Variants in USP54 observed in about 807,000 individuals in gnomAD.
The protein encoded by USP54 is ubiquitin specific peptidase 54.
Under a neutral mutation model 170.5 loss-of-function variants are expected in USP54, and 87 were observed. The observed-to-expected ratio is 0.51, with a 90% CI of 0.43 to 0.61. USP54 has a LOEUF of 0.61. Among genes scored for constraint, USP54 ranks in the 20% least tolerant of loss-of-function variants. The pLI is 0.00. For missense variants in USP54, 1,786 were observed against 2,047.8 expected, an observed-to-expected ratio of 0.87 and a Z score of 2.47; for synonymous variants, 655 against 742.8, an observed-to-expected ratio of 0.88 and a Z score of 1.92.
In USP54 at chr10:73,536,118, C is replaced by A. The variant is rs553188092; in HGVS notation, c.1144+151G>T. On this transcript the variant is annotated intron_variant, in intron 11 of 23. Transcript: ENST00000687698. ...GAAATAAAGGCTGGCCCAAGTTAGG[C>A]TTCAGCACAAATTGGCACTTCTTTC... 7.5e-4 allele frequency: 815 copies of A among 1,087,442 alleles called. 3 individuals carry two copies. Among genetic ancestry groups the A allele is most frequent in the Non-Finnish European group, 8.9e-4 (660 of 744,606 alleles). 67.4% of individuals were successfully genotyped at this position (1,087,442 alleles called of 1,614,324 possible).
At chr10:73,541,224 G>A in intron 9 of USP54, 151 bp downstream of exon 9, 1 of 1,154,474 alleles carries the variant, frequency 8.7e-7, no homozygotes, top group Non-Finnish European at 1.2e-6. Flanking sequence ...ATACCTGCAA[G>A]CACGGGTATC....
At chr10:73,562,808 TA>T (rs1176823013) in intron 4 of USP54, among the ~76,000 whole-genome samples, 1 of 152,210 alleles carries the variant, frequency 6.6e-6, no homozygotes, top group Non-Finnish European at 1.5e-5. Flanking sequence ...AATGTATTGC[TA>T]GGGGTGGAAC....
chr10:73,526,805 G>T (rs1320957376), intron 15 of USP54, 25 bp from the exon 16 acceptor site: 2 of 1,611,364 alleles, frequency 1.2e-6, no homozygotes, highest in Non-Finnish European at 1.7e-6. Context: ...TCAGAGTCTA[G>T]TGAAAGCATG....
Position 73,520,918 on chromosome 10 carries a change from A to C in USP54, c.2472T>G (p.Asn824Lys), listed in dbSNP as rs755056398. The change falls in exon 18 of 24, where the codon AAT (asparagine) becomes AAG (lysine). Residue 824 changes from asparagine (N) to lysine (K), a missense_variant. Coordinates refer to ENST00000687698, the MANE Select transcript of USP54 (RefSeq NM_001391956.1). The stretch of plus-strand genomic sequence containing the variant: ...GTTAGAGTTACTTACAGATAGCTTC[A>C]TTACAGAGAGCCAAAGCTGCAGCAC... The part of the protein sequence containing the change: ...GDCAAALALC[N>K]EAISKLRLAL... 2 of 1,614,186 alleles carry C rather than the reference A, an allele frequency of 1.2e-6. No individual in the cohort carries two copies. The highest frequency in any genetic ancestry group is 1.7e-6 in the Non-Finnish European group (2 of 1,180,038).
intron 13 of USP54, 27 bp from the exon 14 acceptor site, chr10:73,530,550 A>G (rs750428664): frequency 1.9e-6 from 3 of 1,590,288 alleles, no homozygotes. Context: ...TGAAAGAAAT[A>G]TAGATGTTTA....
chr10:73,508,986 T>C (rs2133214435), intron 20 of USP54, among the ~76,000 whole-genome samples: 2 of 150,840 alleles, frequency 1.3e-5, no homozygotes, highest in South Asian at 4.2e-4. Flanking sequence ...TTTTTTTTTT[T>C]TTCTTAAGGA....
intron 15 of USP54, among the ~76,000 whole-genome samples, chr10:73,528,405 C>T (rs1169026993): frequency 6.6e-6 from 1 of 151,074 alleles, no homozygotes; most frequent in African/African-American, 2.4e-5. Flanking sequence ...GCTCCCACCA[C>T]CACGCCCGGC....
chr10:73,544,768 C>CA (rs973420286), intron 5 of USP54, among the ~76,000 whole-genome samples: 9 of 151,844 alleles, frequency 5.9e-5, no homozygotes, highest in African/African-American at 1.9e-4. Context: ...GGCTGGAGTA[C>CA]AGTGGTGCTA....
intron 3 of USP54, among the ~76,000 whole-genome samples, chr10:73,574,842 A>G (rs2075859608): frequency 6.7e-6 from 1 of 148,844 alleles, no homozygotes; most frequent in East Asian, 2.0e-4. Context: ...TGGGCAATAG[A>G]GTGAGACTGT....
At chr10:73,603,602 A>G (rs1246788087) in intron 1 of USP54, among the ~76,000 whole-genome samples, 2 of 151,936 alleles carry the variant, frequency 1.3e-5, no homozygotes, top group African/African-American at 2.4e-5. Flanking sequence ...AAAAAAGTTA[A>G]TCAGGCGTGG....
At chr10:73,610,183 A>T (rs76730614) in intron 1 of USP54, among the ~76,000 whole-genome samples, 6,569 of 152,160 alleles carry the variant, frequency 0.043, 207 homozygotes, top group Non-Finnish European at 0.067. Flanking sequence ...GCCTCAAATT[A>T]AAAAAATAAA....
upstream of USP54, among the ~76,000 whole-genome samples, chr10:73,592,014 C>T (rs1294407328): frequency 2.6e-5 from 4 of 151,934 alleles, no homozygotes; most frequent in Non-Finnish European, 5.9e-5. Flanking sequence ...GGGTTCTCAA[C>T]CCCAAAGTCC....
intron 1 of USP54, among the ~76,000 whole-genome samples, chr10:73,615,890 C>T (rs1420405289): frequency 1.7e-5 from 2 of 119,456 alleles, no homozygotes; most frequent in South Asian, 2.6e-4. Flanking sequence ...GCCTGGGCAA[C>T]GAAGAGATCA....
chr10:73,542,646 G>A (rs752724844), intron 7 of USP54, among the ~76,000 whole-genome samples, 157 bp downstream of exon 7: 30 of 151,780 alleles, frequency 2.0e-4, no homozygotes, highest in Non-Finnish European at 3.8e-4. Context: ...CAGGAGAATC[G>A]CTTGAACCCA....
chr10:73,546,849 G>A (rs1350235396), intron 4 of USP54, among the ~76,000 whole-genome samples: 1 of 151,724 alleles, frequency 6.6e-6, no homozygotes, highest in Non-Finnish European at 1.5e-5. Context: ...CCAATTTTTT[G>A]CTATTACAAA....
rs527912423 is a variant in USP54 at position 73,541,736 on chromosome 10, T to C, written c.575A>G (p.Asn192Ser). 9 of 1,614,086 alleles carry C rather than the reference T, an allele frequency of 5.6e-6. No homozygotes were observed. The highest frequency in any genetic ancestry group is 1.6e-4 in the Middle Eastern group (1 of 6,062). ...TCTTTCCAGCATACAAATAGCCTGA[T>C]TGCTTCAAGATGGGGAATAGAAGGG... ...VHYISTTSLC[N>S]QAICMLERRE... Residue 192 changes from asparagine (N) to serine (S), a missense_variant and splice_region_variant, in exon 8 of 24, where the codon AAT becomes AGT. By Grantham distance (46) the Asn-to-Ser change is conservative. This residue lies in a region of USP54 where 361 missense variants were observed against 455.0 expected (regional missense o/e 0.79). Coordinates refer to ENST00000687698, the MANE Select transcript of USP54 (RefSeq NM_001391956.1).
At chr10:73,519,475 G>C (rs900710198) in intron 19 of USP54, 1 of 306,062 alleles carries the variant, frequency 3.3e-6, no homozygotes, top group African/African-American at 2.1e-5. Context: ...ATGAAATGTA[G>C]CCTGGATTGC....
In USP54 at chr10:73,516,662, C is replaced by T; in HGVS notation, c.3764G>A (p.Gly1255Glu). 1 of 1,614,158 alleles carries T rather than the reference C, an allele frequency of 6.2e-7. No individual in the cohort carries two copies. Residue 1255 changes from glycine (G) to glutamate (E), a missense_variant, in exon 20 of 24, where the codon GGG (glycine) becomes GAG (glutamate). Transcript: ENST00000687698. ...CCAGGAATCCAAAGGCAAGGAAGTC[C>T]CCAAGTCAGTACTGCTGCCCAGATC... Reference protein sequence around the residue: ...SKDLGSSTDLGTSLPLDSWVN... With the variant: ...SKDLGSSTDLETSLPLDSWVN...
At chr10:73,619,519 C>T (rs1319565152) in intron 1 of USP54, among the ~76,000 whole-genome samples, 2 of 140,696 alleles carry the variant, frequency 1.4e-5, no homozygotes, top group African/African-American at 2.9e-5. Context: ...GGCGACAGAG[C>T]GAGACTCCAT....
Sources: gnomAD v4.1 joint callset for allele counts (sites outside exome capture counted in the v4.1 genomes callset) on GRCh38, gnomAD v4.1.1 for gene constraint, gnomAD v4.1.1 regional missense constraint, MANE v1.5 for transcripts, NCBI Gene and HGNC (gene_info 2026-07-23, HGNC 2026-07-21) for gene names.